Variants in ZNF512B observed in about 807,000 individuals in gnomAD.
The protein encoded by ZNF512B is zinc finger protein 512B.
A neutral mutation model predicts 87.8 loss-of-function variants in ZNF512B; 22 were observed. The observed-to-expected ratio is 0.25, with a 90% CI of 0.18 to 0.36. The LOEUF (loss-of-function observed/expected upper bound fraction) is 0.36, where lower values mean the gene tolerates loss of function less well. Ranked by LOEUF, ZNF512B falls within the 10% of genes least tolerant of loss-of-function variation. The pLI, the probability that ZNF512B is intolerant of heterozygous loss-of-function variation, is 1.00. For synonymous variants in ZNF512B, 524 were observed against 490.9 expected, an observed-to-expected ratio of 1.07 and a Z score of -0.89; for missense variants, 1,060 against 1,231.6, an observed-to-expected ratio of 0.86 and a Z score of 2.09.
rs151336727 is a variant in ZNF512B at position 63,962,548 on chromosome 20, G to A, written c.2163+39C>T. On this transcript the variant is annotated intron_variant, in intron 13 of 16. Coordinates refer to ENST00000369888, the MANE Select transcript of ZNF512B (RefSeq NM_020713.3). Reference sequence around the variant, plus strand: ...AGGCCAAGGCATGCCCCACGCAGAGGCCACGGCGCTGTCCACAGCCCTGGG... The same window carrying A: ...AGGCCAAGGCATGCCCCACGCAGAGACCACGGCGCTGTCCACAGCCCTGGG... 819 of 1,583,632 alleles carry A rather than the reference G, an allele frequency of 5.2e-4. 6 individuals are homozygous for A. In the African/African-American group the frequency reaches 0.01, roughly 20 times the overall value.
Position 63,959,948 on chromosome 20 carries a change from G to C in ZNF512B, c.2619C>G (p.Asp873Glu), listed in dbSNP as rs1401170782. ...RRDDWPPGCRDKGARGSTGRK... is the reference protein window; with the variant it reads ...RRDDWPPGCREKGARGSTGRK... Reference sequence around the variant, plus strand: ...GGCCGGTGGAGCCCCGGGCCCCCTTGTCTCTGCATCCTGGAGGCCAGTCGT... The same window carrying C: ...GGCCGGTGGAGCCCCGGGCCCCCTTCTCTCTGCATCCTGGAGGCCAGTCGT... Residue 873 changes from aspartate (D) to glutamate (E), a missense_variant, in exon 17 of 17, where the codon GAC becomes GAG. This residue lies in a region of ZNF512B where 253 missense variants were observed against 259.2 expected (regional missense o/e 0.98). Coordinates refer to ENST00000369888, the MANE Select transcript of ZNF512B (RefSeq NM_020713.3). 1 of 1,610,436 alleles carries C rather than the reference G, an allele frequency of 6.2e-7. No individual in the cohort carries two copies. The highest frequency in any genetic ancestry group is 8.5e-7 in the Non-Finnish European group (1 of 1,179,692).
rs1350717947 is a variant in ZNF512B at position 63,963,601 on chromosome 20, T to G, written c.1698+17A>C. ...GTCAGAGGTCACGCTGGACGGGAGC[T>G]GGGGGCCCGACGGTACCTTGGCACT... On this transcript the variant is annotated intron_variant, in intron 10 of 16. Transcript: ENST00000369888. 6.2e-7 allele frequency: 1 copy of G among 1,612,738 alleles called. No individual in the cohort carries two copies. The highest frequency in any genetic ancestry group is 8.5e-7 in the Non-Finnish European group (1 of 1,179,816).
In ZNF512B at chr20:63,962,216, C is replaced by T. The variant is rs1298460776; in HGVS notation, c.2265+57G>A. 4.6e-6 allele frequency: 7 copies of T among 1,516,908 alleles called. No individual in the cohort carries two copies. The African/African-American group carries it at 8.2e-5, about 18-fold the overall frequency. 94.0% of individuals were successfully genotyped at this position (1,516,908 alleles called of 1,614,324 possible). On this transcript the variant is annotated intron_variant, in intron 14 of 16. Coordinates refer to ENST00000369888, the MANE Select transcript of ZNF512B (RefSeq NM_020713.3). ...CTCTGTTCCTGCTCAGAGGGCCACA[C>T]CCAGGCTCTGGCCCTGTATGGCTCC...
In ZNF512B at chr20:63,962,598, C is replaced by T. The variant is rs1156946240; in HGVS notation, c.2152G>A (p.Glu718Lys). The T allele has an allele frequency of 6.2e-7, 1 of 1,605,932 alleles. No homozygotes were observed. The highest frequency in any genetic ancestry group is 8.5e-7 in the Non-Finnish European group (1 of 1,178,822). Residue 718 changes from glutamate (E) to lysine (K), a missense_variant, in exon 13 of 17, where the codon GAG becomes AAG. Around this residue, in one of 9 missense-constraint regions of ZNF512B, gnomAD observed 253 missense variants for 259.2 expected, o/e 0.98. Coordinates refer to ENST00000369888, the MANE Select transcript of ZNF512B (RefSeq NM_020713.3). Reference sequence around the variant, plus strand: ...GGGGGGCAGCTCACCCGTGCGGTCTCGGGCACAAGGTCATCCTTCATGCGC... The same window carrying T: ...GGGGGGCAGCTCACCCGTGCGGTCTTGGGCACAAGGTCATCCTTCATGCGC... ...KRRMKDDLVP[E>K]TARLNYTRPG...
rs200572179 is a variant in ZNF512B, at chr20:63,967,946, G to A, written c.5C>T (p.Thr2Met). Residue 2 changes from threonine (T) to methionine (M), a missense_variant, in exon 2 of 17, where the codon ACG becomes ATG. Thr to Met is a moderately conservative substitution (Grantham distance 81). Transcript: ENST00000369888. MTDPFCVGGRRL... is the reference protein window; with the variant it reads MMDPFCVGGRRL... Reference sequence around the variant, plus strand: ...ACGGCCTCCAACGCAGAAAGGATCCGTCATCTCTGCAGAGCAAGTAGACAA... The same window carrying A: ...ACGGCCTCCAACGCAGAAAGGATCCATCATCTCTGCAGAGCAAGTAGACAA... 86 of 1,608,346 alleles carry A rather than the reference G, an allele frequency of 5.3e-5. No homozygotes were observed. Among genetic ancestry groups the A allele is most frequent in the Middle Eastern group, 1.6e-4 (1 of 6,068 alleles).
chr20:63,963,878 C>T lies in ZNF512B; in HGVS notation c.1516G>A (p.Glu506Lys). 6.2e-7 allele frequency: 1 copy of T among 1,612,168 alleles called. No individual in the cohort carries two copies. Among genetic ancestry groups the T allele is most frequent in the Non-Finnish European group, 8.5e-7 (1 of 1,180,024 alleles). ...PEEQWQRAIH[E>K]RGEAVCPTCN... ...GTGGGGCAGACGGCTTCCCCGCGCT[C>T]ATGGATGGCCCTCTGCCACTGCTCT... The change falls in exon 9 of 17, where the codon GAG (glutamate) becomes AAG (lysine). Residue 506 changes from glutamate to lysine, a missense_variant. By Grantham distance (56) the Glu-to-Lys change is moderately conservative. Coordinates refer to ENST00000369888, the MANE Select transcript of ZNF512B (RefSeq NM_020713.3).
At position 63,963,922 on chromosome 20, in the gene ZNF512B, A is replaced by G; in HGVS notation, c.1481-9T>C. Reference sequence around the variant, plus strand: ...CTGCTCTTCAGGGCCACCTGTGGGTAAGGCAGGGGCCTCGAAGGCTTGTGG... The same window carrying G: ...CTGCTCTTCAGGGCCACCTGTGGGTGAGGCAGGGGCCTCGAAGGCTTGTGG... On this transcript the variant is annotated splice_polypyrimidine_tract_variant and intron_variant, in intron 8 of 16. Coordinates refer to ENST00000369888, the MANE Select transcript of ZNF512B (RefSeq NM_020713.3). 3 of 1,608,788 alleles carry G rather than the reference A, an allele frequency of 1.9e-6. No individual in the cohort carries two copies. The highest frequency in any genetic ancestry group is 2.2e-5 in the East Asian group (1 of 44,882).
At chr20:63,967,300 G>T in intron 3 of ZNF512B, 81 bp downstream of exon 3, 1 of 1,510,884 alleles carries the variant, frequency 6.6e-7, no homozygotes. Flanking sequence ...TACCAGATGT[G>T]CAGAGGACAA....
Position 63,961,854 on chromosome 20 carries a change from C to T in ZNF512B, c.2328+88G>A, listed in dbSNP as rs1409441495. The T allele has an allele frequency of 8.1e-6, 11 of 1,362,388 alleles. No homozygotes were observed. Among genetic ancestry groups the T allele is most frequent in the South Asian group, 1.3e-5 (1 of 79,956 alleles). 84.4% of individuals were successfully genotyped at this position (1,362,388 alleles called of 1,614,324 possible). ...AAAAAGTAGGGGACAAGGCAGGGTC[C>T]CTCACTACTGTGTGGGAAGCCCGCG... On this transcript the variant is annotated intron_variant, in intron 15 of 16. Transcript: ENST00000369888. The surrounding 1 kb of genome is among the most constrained non-coding windows in gnomAD (Gnocchi z 6.4).
At position 63,961,955 on chromosome 20, in the gene ZNF512B, G is replaced by A. The variant is rs1003267757; in HGVS notation, c.2315C>T (p.Ala772Val). Residue 772 changes from alanine (A) to valine (V), a missense_variant, in exon 15 of 17, where the codon GCC becomes GTC. Coordinates refer to ENST00000369888, the MANE Select transcript of ZNF512B (RefSeq NM_020713.3). The surrounding 1 kb of genome is among the most constrained non-coding windows in gnomAD (Gnocchi z 6.4). ...SSVSGLKAHL[A>V]SCSKGAHLAG... ...CCCAGAACTGACCTTACTGCAGCTGGCGAGATGAGCCTTGAGTCCGGACAC... is the reference window on the plus strand; with the variant it reads ...CCCAGAACTGACCTTACTGCAGCTGACGAGATGAGCCTTGAGTCCGGACAC... The A allele has an allele frequency of 2.4e-5, 37 of 1,550,980 alleles. No homozygotes were observed. Among genetic ancestry groups the A allele is most frequent in the Non-Finnish European group, 2.7e-5 (31 of 1,146,932 alleles).
chr20:63,969,285 G>T, intron 1 of ZNF512B: 2 of 681,512 alleles, frequency 2.9e-6, no homozygotes, highest in Non-Finnish European at 3.6e-6. Flanking sequence ...GCCAGGGCCA[G>T]CCTGGGAGGC....
chr20:63,967,550 G>C (rs1485317705), intron 2 of ZNF512B, 27 bp from the exon 3 acceptor site: 3 of 1,570,756 alleles, frequency 1.9e-6, no homozygotes, highest in Non-Finnish European at 2.6e-6. Flanking sequence ...AGCAAGGCTC[G>C]GAAGCTGTGT....
Position 63,962,608 on chromosome 20 carries a change from G to A in ZNF512B, c.2142C>T (p.Asp714=). Reference sequence around the variant, plus strand: ...TCACCCGTGCGGTCTCGGGCACAAGGTCATCCTTCATGCGCCGCTTGGTCC... The same window carrying A: ...TCACCCGTGCGGTCTCGGGCACAAGATCATCCTTCATGCGCCGCTTGGTCC... The part of the protein sequence containing the change: ...RDWTKRRMKD[D]LVPETARLNY... The change falls in exon 13 of 17, where the codon GAC becomes GAT. Residue 714 remains aspartate (D), a synonymous_variant. Transcript: ENST00000369888. 4 of 1,607,244 alleles carry A rather than the reference G, an allele frequency of 2.5e-6. No individual in the cohort carries two copies. Among genetic ancestry groups the A allele is most frequent in the South Asian group, 1.1e-5 (1 of 90,644 alleles).
chr20:63,963,035 C>T (rs2058872962), intron 12 of ZNF512B, 60 bp downstream of exon 12: 2 of 1,474,266 alleles, frequency 1.4e-6, no homozygotes, highest in African/African-American at 1.4e-5. Context: ...ACCCAAGGCA[C>T]ACGGAACACA....
intron 1 of ZNF512B, among the ~76,000 whole-genome samples, chr20:63,968,769 G>A (rs1184299117): frequency 1.3e-5 from 2 of 152,244 alleles, no homozygotes; most frequent in Non-Finnish European, 2.9e-5. Context: ...ACAAGTCGTG[G>A]AAGCACCAGC....
At position 63,969,898 on chromosome 20, in the gene ZNF512B, C is replaced by G. The variant is rs1466525521; in HGVS notation, c.-87G>C. 6.8e-6 allele frequency: 1 copy of G among 146,252 alleles called. No homozygotes were observed. Among genetic ancestry groups the G allele is most frequent in the Non-Finnish European group, 1.5e-5 (1 of 65,816 alleles). 9.1% of individuals were successfully genotyped at this position (146,252 alleles called of 1,614,324 possible). A position where few individuals can be genotyped will look rare whatever the true frequency, so the allele number is the denominator to read the frequency against. ...CGCGGGGCGCTGGGTCCGGGCGGCG[C>G]AGGCTGCGCGCCGCGCTGCGCACAT... On this transcript the variant is annotated 5_prime_UTR_variant, in exon 1 of 17. Coordinates refer to ENST00000369888, the MANE Select transcript of ZNF512B (RefSeq NM_020713.3).
chr20:63,964,417 C>A, intron 6 of ZNF512B, 26 bp from the exon 7 acceptor site: 2 of 1,613,770 alleles, frequency 1.2e-6, no homozygotes, highest in Middle Eastern at 1.6e-4. Context: ...AAAACGGGGG[C>A]CAAGATTCTG....
chr20:63,964,194 C>A lies in ZNF512B; in HGVS notation c.1357G>T (p.Ala453Ser). ...TGCTTCTTGGAGCGGTGAACTCGGGCCTTGTCCTCAGCTTTGACCAGGCCT... is the reference window on the plus strand; with the variant it reads ...TGCTTCTTGGAGCGGTGAACTCGGGACTTGTCCTCAGCTTTGACCAGGCCT... ...LKGLVKAEDK[A>S]RVHRSKKQEG... is the part of the protein sequence containing the mutation. Residue 453 changes from alanine (A) to serine (S), a missense_variant, in exon 8 of 17, where the codon GCC becomes TCC. Ala to Ser is a moderately conservative substitution (Grantham distance 99). This residue lies in a region of ZNF512B where 212 missense variants were observed against 207.6 expected (regional missense o/e 1.02). Transcript: ENST00000369888. 1 of 1,599,290 alleles carries A rather than the reference C, an allele frequency of 6.3e-7. No individual in the cohort carries two copies. The highest frequency in any genetic ancestry group is 1.1e-5 in the South Asian group (1 of 89,198).
In ZNF512B at chr20:63,957,578, G is replaced by C. The variant is rs2058765956; in HGVS notation, c.*2310C>G. 1 of 152,646 alleles carries C rather than the reference G, an allele frequency of 6.6e-6. No individual in the cohort carries two copies. The highest frequency in any genetic ancestry group is 6.5e-5 in the Admixed American group (1 of 15,288). 9.5% of individuals were successfully genotyped at this position (152,646 alleles called of 1,614,324 possible). A position where few individuals can be genotyped will look rare whatever the true frequency, so the allele number is the denominator to read the frequency against. ...CCACGCCTACCTTAAAGACAAAGGG[G>C]GTTAAAGTGCTAAACATCAAGGTAT... On this transcript the variant is annotated 3_prime_UTR_variant, in exon 17 of 17. Coordinates refer to ENST00000369888, the MANE Select transcript of ZNF512B (RefSeq NM_020713.3).
Sources: allele counts gnomAD v4.1 joint callset (sites outside exome capture counted in the v4.1 genomes callset), GRCh38; gene constraint gnomAD v4.1.1; regional missense constraint gnomAD v4.1.1; non-coding constraint Gnocchi (gnomAD v3.1); transcripts MANE v1.5; gene names NCBI Gene and HGNC (gene_info 2026-07-23, HGNC 2026-07-21).